MGAT5: variants seen among roughly 807,000 people sequenced by gnomAD.
The protein encoded by MGAT5 is alpha-1,6-mannosylglycoprotein 6-beta-N-acetylglucosaminyltransferase, also known as alpha-1,6-mannosylglycoprotein 6-beta-N-acetylglucosaminyltransferase A.
Under a neutral mutation model 94.3 loss-of-function variants are expected in MGAT5, and 30 were observed. That is an observed-to-expected ratio of 0.32 (90% CI 0.24 to 0.43). The LOEUF (loss-of-function observed/expected upper bound fraction) is 0.43. Among genes scored for constraint, MGAT5 ranks in the 20% least tolerant of loss-of-function variants. MGAT5 has a pLI of 1.00. For synonymous variants in MGAT5, 310 were observed against 322.9 expected (o/e 0.96, Z 0.43); for missense variants, 691 against 905.5 (o/e 0.76, Z 3.04).
At chr2:134,446,818 G>A (rs1389151138) in intron 15 of MGAT5, among the ~76,000 whole-genome samples, 1 of 152,146 alleles carries the variant, frequency 6.6e-6, no homozygotes, top group African/African-American at 2.4e-5. Flanking sequence ...AGGAGGCGCC[G>A]CAGGCTCTGG....
At chr2:134,161,126 C>T (rs1311575279) in intron 1 of MGAT5, among the ~76,000 whole-genome samples, 2 of 152,222 alleles carry the variant, frequency 1.3e-5, no homozygotes, top group African/African-American at 2.4e-5. Context: ...GTTTGCAGCT[C>T]TTTACAGGAT....
Position 134,177,692 on chromosome 2 carries a change from C to T in MGAT5, c.-143+57401C>T, listed in dbSNP as rs368877880. Among the ~76,000 whole-genome samples the T allele has an allele frequency of 3.3e-5, 5 of 152,168 alleles. No homozygotes were observed. In the East Asian group the frequency reaches 9.6e-4, roughly 29 times the overall value. On this transcript the variant is annotated intron_variant, in intron 1 of 16. Transcript: ENST00000409645. ...TGGTCAGGCATGAAATTTTTATGCACTGGAGTAAGAAACAATGGAAAGCAG... is the reference window on the plus strand; with the variant it reads ...TGGTCAGGCATGAAATTTTTATGCATTGGAGTAAGAAACAATGGAAAGCAG...
At chr2:134,136,989 C>T (rs1478220366) in intron 1 of MGAT5, among the ~76,000 whole-genome samples, 1 of 152,228 alleles carries the variant, frequency 6.6e-6, no homozygotes, top group Non-Finnish European at 1.5e-5. Context: ...ATATCTGTCA[C>T]TACAAGGTAT....
intron 1 of MGAT5, among the ~76,000 whole-genome samples, chr2:134,225,921 C>G (rs913227311): frequency 4.6e-5 from 7 of 152,340 alleles, no homozygotes; most frequent in Non-Finnish European, 8.8e-5. Context: ...TAGAGCTTTA[C>G]GAGACTTTTG....
At chr2:134,326,391 T>C (rs549156434) in intron 4 of MGAT5, among the ~76,000 whole-genome samples, 9 of 152,100 alleles carry the variant, frequency 5.9e-5, no homozygotes, top group Admixed American at 5.2e-4. Flanking sequence ...TTCATACTGC[T>C]TTCTCAGACC....
chr2:134,324,417 T>C (rs1025034869), intron 4 of MGAT5, among the ~76,000 whole-genome samples: 1 of 152,186 alleles, frequency 6.6e-6, no homozygotes, highest in Non-Finnish European at 1.5e-5. Context: ...TAAAGGTCTT[T>C]GCTTCTTTCT....
intron 11 of MGAT5, among the ~76,000 whole-genome samples, chr2:134,405,991 A>G (rs1403167683): frequency 1.3e-5 from 2 of 152,226 alleles, no homozygotes; most frequent in African/African-American, 2.4e-5. Flanking sequence ...ATAAACTTGG[A>G]TGAATGAATT....
chr2:134,315,983 C>T (rs1286951760), intron 2 of MGAT5, among the ~76,000 whole-genome samples: 1 of 152,166 alleles, frequency 6.6e-6, no homozygotes, highest in Non-Finnish European at 1.5e-5. Flanking sequence ...CCAGCAGCCA[C>T]TGAGTTATCA....
In MGAT5 at chr2:134,441,890, C is replaced by T; in HGVS notation, c.2002C>T (p.Leu668Phe). 1 of 1,614,036 alleles carries T rather than the reference C, an allele frequency of 6.2e-7. No homozygotes were observed. The highest frequency in any genetic ancestry group is 8.5e-7 in the Non-Finnish European group (1 of 1,179,986). Reference sequence around the variant, plus strand: ...CTGCGAGCCTTCTTTCTTCCAGCACCTCAACAAGGACAAGGACATGCTGAA... The same window carrying T: ...CTGCGAGCCTTCTTTCTTCCAGCACTTCAACAAGGACAAGGACATGCTGAA... ...LICEPSFFQHLNKDKDMLKYK... is the reference protein window; with the variant it reads ...LICEPSFFQHFNKDKDMLKYK... Residue 668 changes from leucine (L) to phenylalanine (F), a missense_variant, in exon 15 of 16, where the codon CTC becomes TTC. Around this residue, in one of 4 missense-constraint regions of MGAT5, gnomAD observed 260 missense variants for 347.0 expected, o/e 0.75. Coordinates refer to ENST00000281923, the MANE Select transcript of MGAT5 (RefSeq NM_002410.5).
chr2:134,387,967 T>C (rs1296873648), intron 10 of MGAT5, among the ~76,000 whole-genome samples: 1 of 152,156 alleles, frequency 6.6e-6, no homozygotes, highest in Non-Finnish European at 1.5e-5. Context: ...TGATGACAGC[T>C]CTTCCAATAA....
chr2:134,427,900 C>T (rs1198810804), intron 13 of MGAT5, among the ~76,000 whole-genome samples: 1 of 152,240 alleles, frequency 6.6e-6, no homozygotes, highest in African/African-American at 2.4e-5. Context: ...TGCCTTACAG[C>T]AGTGACCATG....
At chr2:134,307,716 G>A (rs1415528632) in intron 2 of MGAT5, among the ~76,000 whole-genome samples, 2 of 152,142 alleles carry the variant, frequency 1.3e-5, no homozygotes, top group African/African-American at 4.8e-5. Context: ...GATTGGTTAT[G>A]CCTACCCACT....
At chr2:134,412,575 C>T (rs953306391) in intron 11 of MGAT5, among the ~76,000 whole-genome samples, 1 of 152,002 alleles carries the variant, frequency 6.6e-6, no homozygotes, top group Admixed American at 6.5e-5. Context: ...TCTTTTAATA[C>T]TCCATCCTCC....
At chr2:134,225,375 AAG>A (rs1189278901) in intron 1 of MGAT5, among the ~76,000 whole-genome samples, 6 of 152,214 alleles carry the variant, frequency 3.9e-5, no homozygotes, top group Non-Finnish European at 7.3e-5. Context: ...CGAGTCACAC[AAG>A]AGTGATGTTC....
chr2:134,415,137 G>T (rs1182397639), intron 12 of MGAT5, among the ~76,000 whole-genome samples: 1 of 152,226 alleles, frequency 6.6e-6, no homozygotes, highest in African/African-American at 2.4e-5. Flanking sequence ...ATACCCAGCA[G>T]TGGGATTGCT....
chr2:134,429,419 T>A (rs968423083), intron 14 of MGAT5, among the ~76,000 whole-genome samples: 2 of 152,228 alleles, frequency 1.3e-5, no homozygotes, highest in African/African-American at 2.4e-5. Flanking sequence ...GAGCGCGCTC[T>A]GCAGCCAGGC....
At chr2:134,354,973 C>G (rs2106076089) in intron 9 of MGAT5, among the ~76,000 whole-genome samples, 1 of 152,284 alleles carries the variant, frequency 6.6e-6, no homozygotes, top group Non-Finnish European at 1.5e-5. Flanking sequence ...GCAGTGCCTT[C>G]CTTTTGTCCA....
At position 134,349,880 on chromosome 2, in the gene MGAT5, C is replaced by G; in HGVS notation, c.1188C>G (p.Gly396=). The change falls in exon 9 of 16, where the codon GGC becomes GGG. Residue 396 remains glycine (G), a synonymous_variant. Coordinates refer to ENST00000281923, the MANE Select transcript of MGAT5 (RefSeq NM_002410.5). The stretch of plus-strand genomic sequence containing the variant: ...ATGCAAATTATGCCCAATCGAAAGG[C>G]CACAAGACCCCTTGGGGAAAATGGA... ...FNHANYAQSK[G]HKTPWGKWNL... 2 of 1,613,592 alleles carry G rather than the reference C, an allele frequency of 1.2e-6. No individual in the cohort carries two copies. Among genetic ancestry groups the G allele is most frequent in the South Asian group, 2.2e-5 (2 of 91,068 alleles).
chr2:134,322,106 G>GAA (rs35394130), intron 4 of MGAT5, among the ~76,000 whole-genome samples: 3 of 152,134 alleles, frequency 2.0e-5, no homozygotes, highest in Non-Finnish European at 4.4e-5. Flanking sequence ...CTTCCTTTAT[G>GAA]AAATAATAGG....
Sources: allele counts gnomAD v4.1 joint callset (sites outside exome capture counted in the v4.1 genomes callset), GRCh38; gene constraint gnomAD v4.1.1; regional missense constraint gnomAD v4.1.1; transcripts MANE v1.5; gene names NCBI Gene and HGNC (gene_info 2026-07-23, HGNC 2026-07-21).